Variants in GNB1L observed in about 807,000 individuals in gnomAD.
GNB1L encodes the protein guanine nucleotide-binding protein subunit beta-like protein 1.
Under a neutral mutation model 29.1 loss-of-function variants are expected in GNB1L, and 20 were observed. The observed-to-expected ratio is 0.69, with a 90% CI of 0.48 to 1.00. GNB1L has a LOEUF of 1.00. Among genes scored for constraint, GNB1L ranks in the 50% least tolerant of loss-of-function variants. The pLI is 0.00. For synonymous variants in GNB1L, 193 were observed against 206.5 expected, an observed-to-expected ratio of 0.93 and a Z score of 0.56; for missense variants, 421 against 464.9, an observed-to-expected ratio of 0.91 and a Z score of 0.87.
At chr22:19,831,335 A>G (rs1336800822) in intron 2 of GNB1L, among the ~76,000 whole-genome samples, 2 of 151,030 alleles carry the variant, frequency 1.3e-5, no homozygotes, top group Admixed American at 6.6e-5. Context: ...ATTGCACTCC[A>G]GTCTGGGTGA....
rs568876847 is a variant in GNB1L at position 19,803,097 on chromosome 22, G to A, written c.517-881C>T. On this transcript the variant is annotated intron_variant, in intron 6 of 7. Coordinates refer to ENST00000329517, the MANE Select transcript of GNB1L (RefSeq NM_053004.3). ...AGGACCAGGGCTCGCTGCATCAGAA[G>A]GCTGGTGATGGGAACCGGGGTAGCC... Among the ~76,000 whole-genome samples, 4 of 152,342 alleles carry A rather than the reference G, an allele frequency of 2.6e-5. No individual in the cohort carries two copies. The East Asian group carries it at 7.7e-4, about 29-fold the overall frequency.
chr22:19,820,645 CTGGCCGCCG>C lies in GNB1L; in HGVS notation c.198_206del (p.His66_Gly68del), dbSNP rs1569047144. ...GCAGCGTCTGCAGCCAGGTCACACA[CTGGCCGCCG>C]TGGCCATCCAGGGTGGTAACCGCTC... On this transcript the variant is annotated inframe_deletion, in exon 4 of 8. Transcript: ENST00000329517. The C allele has an allele frequency of 6.2e-7, 1 of 1,613,490 alleles. No individual in the cohort carries two copies. Among genetic ancestry groups the C allele is most frequent in the African/African-American group, 1.3e-5 (1 of 75,062 alleles).
chr22:19,789,662 G>A (rs368233914), intron 7 of GNB1L, among the ~76,000 whole-genome samples: 1 of 152,082 alleles, frequency 6.6e-6, no homozygotes, highest in Non-Finnish European at 1.5e-5. Context: ...GCACGGGGCC[G>A]TCGGGGTGCT....
At chr22:19,797,152 C>G (rs901968512) in intron 7 of GNB1L, among the ~76,000 whole-genome samples, 14 of 152,116 alleles carry the variant, frequency 9.2e-5, no homozygotes, top group African/African-American at 3.4e-4. Context: ...TACAGTCACT[C>G]ACGACCCCCC....
intron 5 of GNB1L, among the ~76,000 whole-genome samples, chr22:19,809,725 C>T (rs1440133997): frequency 4.6e-5 from 7 of 152,184 alleles, no homozygotes; most frequent in Admixed American, 3.3e-4. Flanking sequence ...TTGCACGCCC[C>T]GGGAGGGGAT....
intron 6 of GNB1L, among the ~76,000 whole-genome samples, chr22:19,804,339 C>T (rs903952820): frequency 6.6e-6 from 1 of 152,210 alleles, no homozygotes; most frequent in African/African-American, 2.4e-5. Context: ...CCCAGAGGGA[C>T]ACAGCAGGTC....
chr22:19,817,237 C>T (rs1937533960), intron 4 of GNB1L, among the ~76,000 whole-genome samples: 1 of 152,144 alleles, frequency 6.6e-6, no homozygotes, highest in Admixed American at 6.5e-5. Context: ...GCCTGTAATC[C>T]CAGCACTTTG....
Position 19,783,388 on chromosome 22 carries a change from G to A in GNB1L, c.*5321C>T. The A allele has an allele frequency of 2.9e-6, 1 of 343,348 alleles. No individual in the cohort carries two copies. The highest frequency in any genetic ancestry group is 2.3e-5 in the South Asian group (1 of 42,884). 21.3% of individuals were successfully genotyped at this position (343,348 alleles called of 1,614,324 possible). On this transcript the variant is annotated 3_prime_UTR_variant, in exon 8 of 8. Coordinates refer to ENST00000329517, the MANE Select transcript of GNB1L (RefSeq NM_053004.3). Reference sequence around the variant, plus strand: ...GGGACAGATGTGCTGCTGTTCCCAGGCCACCTGCACAGCTGGATGGTGGAA... The same window carrying A: ...GGGACAGATGTGCTGCTGTTCCCAGACCACCTGCACAGCTGGATGGTGGAA...
chr22:19,851,690 A>G (rs1173650378), intron 2 of GNB1L: 1 of 1,597,456 alleles, frequency 6.3e-7, no homozygotes, highest in South Asian at 1.1e-5. Flanking sequence ...ACAGGTAACC[A>G]CAGCATGGTA....
chr22:19,850,831 G>A (rs912271389), intron 2 of GNB1L: 2 of 1,306,180 alleles, frequency 1.5e-6, no homozygotes, highest in East Asian at 2.8e-5. Context: ...TGGGGGTGGA[G>A]GTGACAAAGA....
Position 19,802,153 on chromosome 22 carries a change from C to T in GNB1L, c.580G>A (p.Asp194Asn). ...CTGCACACCTTCTGCTCAGAGACGT[C>T]CCACAGGACCACCGATCCATCCTCA... ...GYEDGSVVLW[D>N]VSEQKVCSRI... Residue 194 changes from aspartate (D) to asparagine (N), a missense_variant, in exon 7 of 8, where the codon GAC becomes AAC. Transcript: ENST00000329517. 6.2e-7 allele frequency: 1 copy of T among 1,613,216 alleles called. No individual in the cohort carries two copies. The highest frequency in any genetic ancestry group is 8.5e-7 in the Non-Finnish European group (1 of 1,180,036).
chr22:19,848,694 A>G (rs1041898135), intron 2 of GNB1L: 4 of 985,344 alleles, frequency 4.1e-6, no homozygotes, highest in South Asian at 9.4e-5. Context: ...TGGATGCTGC[A>G]TGACTGGCCC....
At chr22:19,791,686 A>C (rs893868285) in intron 7 of GNB1L, among the ~76,000 whole-genome samples, 1 of 152,228 alleles carries the variant, frequency 6.6e-6, no homozygotes, top group African/African-American at 2.4e-5. Context: ...CACAGGGCTT[A>C]CCAGAGCTGC....
intron 4 of GNB1L, among the ~76,000 whole-genome samples, chr22:19,818,193 G>A (rs1281894837): frequency 2.0e-5 from 3 of 152,236 alleles, no homozygotes; most frequent in African/African-American, 7.2e-5. Flanking sequence ...GCAGGAAGGG[G>A]AGGTGCCCTC....
chr22:19,829,270 T>C (rs1213994318), intron 2 of GNB1L, among the ~76,000 whole-genome samples: 1 of 152,236 alleles, frequency 6.6e-6, no homozygotes, highest in African/African-American at 2.4e-5. Context: ...GCCTACCTCT[T>C]CTTCTCAAGG....
chr22:19,833,853 G>A (rs1203752845), intron 2 of GNB1L, among the ~76,000 whole-genome samples: 3 of 151,406 alleles, frequency 2.0e-5, no homozygotes, highest in Admixed American at 2.0e-4. Context: ...GCGACAAAGT[G>A]AGACTCCGTC....
intron 2 of GNB1L, among the ~76,000 whole-genome samples, chr22:19,845,012 C>T (rs1937930673): frequency 1.3e-5 from 2 of 152,274 alleles, no homozygotes; most frequent in African/African-American, 2.4e-5. Context: ...TGGGGATGTG[C>T]CCTGGAAACT....
Position 19,808,485 on chromosome 22 carries a change from A to G in GNB1L, c.418-1728T>C, listed in dbSNP as rs548676044. ...GAAGGTTGTCAAGCCTGAACTCCAA[A>G]GCCGGCCAAAATGGTAAGCAGGAGG... On this transcript the variant is annotated intron_variant, in intron 5 of 7. Transcript: ENST00000329517. Among the ~76,000 whole-genome samples the G allele has an allele frequency of 3.9e-5, 6 of 152,336 alleles. No homozygotes were observed. In the East Asian group the frequency reaches 9.6e-4, roughly 24 times the overall value.
In GNB1L at chr22:19,788,119, T is replaced by G; in HGVS notation, c.*590A>C. The stretch of plus-strand genomic sequence containing the variant: ...CCTTGCCGTCCCTCACAGGCACCTT[T>G]CTCTGCTTCACTCTTTAGGGAGTTC... On this transcript the variant is annotated 3_prime_UTR_variant, in exon 8 of 8. Transcript: ENST00000329517. 6.0e-6 allele frequency: 1 copy of G among 167,008 alleles called. No individual in the cohort carries two copies. The allele number at this position is 167,008 out of a possible 1,614,324, so 10.3% of individuals were successfully genotyped here. A position where few individuals can be genotyped will look rare whatever the true frequency, so the allele number is the denominator to read the frequency against.
Sources: gnomAD v4.1 joint callset for allele counts (sites outside exome capture counted in the v4.1 genomes callset) on GRCh38, gnomAD v4.1.1 for gene constraint, MANE v1.5 for transcripts, NCBI Gene and HGNC (gene_info 2026-07-23, HGNC 2026-07-21) for gene names.